Variants in ADGRG6 observed in about 807,000 individuals in gnomAD.
ADGRG6 encodes the protein adhesion G protein-coupled receptor G6, also known as G-protein coupled receptor 126.
In ADGRG6, 84 loss-of-function variants were observed where a neutral mutation model predicts 142.4. The ratio of observed to expected loss-of-function variants is 0.59; its 90% CI spans 0.49 to 0.71. ADGRG6 has a LOEUF of 0.71. ADGRG6 is among the 30% of genes least tolerant of loss of function. The pLI is 0.00. For missense variants in ADGRG6, 1,367 were observed against 1,466.6 expected, an observed-to-expected ratio of 0.93 and a Z score of 1.11; for synonymous variants, 521 against 520.5, an observed-to-expected ratio of 1.00 and a Z score of -0.01.
intron 7 of ADGRG6, among the ~76,000 whole-genome samples, chr6:142,390,897 ATACTT>A (rs1309662595): frequency 3.9e-5 from 6 of 151,998 alleles, no homozygotes; most frequent in African/African-American, 1.4e-4. Context: ...GAAAAGTAGT[ATACTT>A]TACATACCGT....
In ADGRG6 at chr6:142,422,367, A is replaced by G. The variant is rs1210416414; in HGVS notation, c.3319+2263A>G. On this transcript the variant is annotated intron_variant, in intron 22 of 24. Transcript: ENST00000367609. ...GTGTGATATTCCCCTTCCTGTGTCC[A>G]TGTGATCTCATTGTTCAATTCCCAC... Among the ~76,000 whole-genome samples the G allele has an allele frequency of 7.9e-5, 12 of 151,554 alleles. No individual in the cohort carries two copies. In the South Asian group the frequency reaches 1.9e-3, roughly 24 times the overall value.
chr6:142,303,938 A>G (rs1278110761), intron 1 of ADGRG6, among the ~76,000 whole-genome samples: 2 of 152,188 alleles, frequency 1.3e-5, no homozygotes, highest in Admixed American at 1.3e-4. Context: ...CGTGAATATG[A>G]AATCACATAG....
intron 2 of ADGRG6, 123 bp from the exon 3 acceptor site, chr6:142,367,445 AT>A: frequency 1.6e-6 from 1 of 618,600 alleles, no homozygotes; most frequent in Non-Finnish European, 2.8e-6. Flanking sequence ...TTTATTTTTT[AT>A]GATTGTATGT....
intron 1 of ADGRG6, among the ~76,000 whole-genome samples, chr6:142,308,425 G>C (rs549796185): frequency 6.6e-6 from 1 of 152,034 alleles, no homozygotes; most frequent in East Asian, 1.9e-4. Context: ...GCAAGTGCAG[G>C]AGTCCTTTGA....
At chr6:142,346,108 C>T (rs543369726) in intron 2 of ADGRG6, among the ~76,000 whole-genome samples, 1 of 152,196 alleles carries the variant, frequency 6.6e-6, no homozygotes, top group East Asian at 1.9e-4. Flanking sequence ...ATAAAACCTT[C>T]CTGAGACACC....
Position 142,403,367 on chromosome 6 carries a change from A to G in ADGRG6, c.1956-435A>G, listed in dbSNP as rs149965162. 1.8e-3 allele frequency among the ~76,000 whole-genome samples: 269 copies of G among 152,268 alleles called. 1 individual carries two copies. Among genetic ancestry groups the G allele is most frequent in the African/African-American group, 5.9e-3 (245 of 41,574 alleles). On this transcript the variant is annotated intron_variant, in intron 13 of 24. Coordinates refer to ENST00000367609, the MANE Select transcript of ADGRG6 (RefSeq NM_198569.3). ...TCTACATTTCTCTGAAGAAAATTTT[A>G]TATTTGTTAAAAATGTATTTTCTAA...
intron 2 of ADGRG6, among the ~76,000 whole-genome samples, chr6:142,353,125 C>G (rs936583805): frequency 1.3e-5 from 2 of 152,322 alleles, no homozygotes; most frequent in African/African-American, 4.8e-5. Flanking sequence ...TTTCCCTCTA[C>G]TTCCGTTTTT....
At chr6:142,394,690 T>A (rs1775080425) in intron 9 of ADGRG6, among the ~76,000 whole-genome samples, 1 of 151,070 alleles carries the variant, frequency 6.6e-6, no homozygotes, top group South Asian at 2.1e-4. Context: ...CAAATGATCC[T>A]CCTGCCTTAG....
At chr6:142,319,811 T>G (rs541359717) in intron 2 of ADGRG6, among the ~76,000 whole-genome samples, 2 of 152,260 alleles carry the variant, frequency 1.3e-5, no homozygotes, top group African/African-American at 4.8e-5. Context: ...TTATCATAAT[T>G]ATGTTTGAAA....
intron 8 of ADGRG6, 118 bp from the exon 9 acceptor site, chr6:142,393,778 A>G (rs1775029524): frequency 7.4e-6 from 5 of 672,472 alleles, no homozygotes; most frequent in Non-Finnish European, 1.1e-5. Flanking sequence ...CAGGACACAC[A>G]TTTGAAAATA....
Position 142,302,128 on chromosome 6 carries a change from G to A in ADGRG6, c.-202G>A. On this transcript the variant is annotated 5_prime_UTR_variant, in exon 1 of 25. Coordinates refer to ENST00000367609, the MANE Select transcript of ADGRG6 (RefSeq NM_198569.3). ...CTGCTTCCTCGTCCGCAGGCCCTGCGCTGAACGCTGCCGCGCCCAGGGTTC... is the reference window on the plus strand; with the variant it reads ...CTGCTTCCTCGTCCGCAGGCCCTGCACTGAACGCTGCCGCGCCCAGGGTTC... 1 of 584,196 alleles carries A rather than the reference G, an allele frequency of 1.7e-6. No homozygotes were observed. Among genetic ancestry groups the A allele is most frequent in the South Asian group, 2.3e-5 (1 of 44,254 alleles). 36.2% of individuals were successfully genotyped at this position (584,196 alleles called of 1,614,324 possible).
intron 5 of ADGRG6, among the ~76,000 whole-genome samples, chr6:142,383,199 A>G (rs1781852114): frequency 1.3e-5 from 2 of 152,182 alleles, no homozygotes; most frequent in Non-Finnish European, 2.9e-5. Flanking sequence ...CTTTTTATCC[A>G]TCAATGTTTA....
At chr6:142,333,139 G>A (rs1156796236) in intron 2 of ADGRG6, among the ~76,000 whole-genome samples, 1 of 152,186 alleles carries the variant, frequency 6.6e-6, no homozygotes, top group Non-Finnish European at 1.5e-5. Flanking sequence ...GAGAATATAT[G>A]ATGCAAGTCT....
At chr6:142,421,091 A>G (rs752992313) in intron 22 of ADGRG6, among the ~76,000 whole-genome samples, 1 of 152,120 alleles carries the variant, frequency 6.6e-6, no homozygotes, top group African/African-American at 2.4e-5. Flanking sequence ...CAAGGTGGGT[A>G]CTCCCTGCAA....
At chr6:142,333,572 A>G (rs1779168650) in intron 2 of ADGRG6, among the ~76,000 whole-genome samples, 1 of 152,160 alleles carries the variant, frequency 6.6e-6, no homozygotes. Flanking sequence ...CTAGGCTTCA[A>G]CTACTGGGCT....
At chr6:142,425,212 A>G (rs989095921) in intron 22 of ADGRG6, among the ~76,000 whole-genome samples, 2 of 152,148 alleles carry the variant, frequency 1.3e-5, no homozygotes, top group African/African-American at 4.8e-5. Flanking sequence ...TTGTAAAGAT[A>G]AAGCTGTACC....
chr6:142,345,952 C>T (rs528627838), intron 2 of ADGRG6, among the ~76,000 whole-genome samples: 55 of 152,162 alleles, frequency 3.6e-4, no homozygotes, highest in Admixed American at 9.2e-4. Context: ...TAGATGACTT[C>T]GATTTGCGAG....
rs1048632771 is a variant in ADGRG6, at chr6:142,383,700, A to G, written c.1139-60A>G. Reference sequence around the variant, plus strand: ...TTAATGCATTAATTATAGATTGCTTATCCAAATTAACTGTCATGTGCTCTT... The same window carrying G: ...TTAATGCATTAATTATAGATTGCTTGTCCAAATTAACTGTCATGTGCTCTT... On this transcript the variant is annotated intron_variant, in intron 5 of 24. Transcript: ENST00000367609. 9.0e-5 allele frequency: 71 copies of G among 791,320 alleles called. No individual in the cohort carries two copies. The Admixed American group carries it at 1.5e-3, about 16-fold the overall frequency. The allele number at this position is 791,320 out of a possible 1,614,324, so 49.0% of individuals were successfully genotyped here.
intron 2 of ADGRG6, among the ~76,000 whole-genome samples, chr6:142,363,913 ACT>A (rs1780830055): frequency 6.6e-6 from 1 of 151,618 alleles, no homozygotes; most frequent in South Asian, 2.1e-4. Context: ...GGGCTATGAA[ACT>A]CTTTTTAAGA....
Sources: allele counts gnomAD v4.1 joint callset (sites outside exome capture counted in the v4.1 genomes callset), GRCh38; gene constraint gnomAD v4.1.1; transcripts MANE v1.5; gene names NCBI Gene and HGNC (gene_info 2026-07-23, HGNC 2026-07-21).